The following ACTL6B variants were observed in gnomAD, a reference collection of about 807,000 sequenced individuals.
ACTL6B encodes actin-like protein 6B.
In ACTL6B, 48 loss-of-function variants were observed where a neutral mutation model predicts 63.3. The ratio of observed to expected loss-of-function variants is 0.76; its 90% confidence interval spans 0.60 to 0.96. The LOEUF is 0.96. Ranked by LOEUF, ACTL6B falls within the 50% of genes least tolerant of loss-of-function variation. The pLI is 0.00. For synonymous variants in ACTL6B, 230 were observed against 223.8 expected, an observed-to-expected ratio of 1.03 and a Z score of -0.25; for missense variants, 350 against 572.2, an observed-to-expected ratio of 0.61 and a Z score of 3.96.
rs747977983 is a variant in ACTL6B at position 100,643,302 on chromosome 7, A to C, written c.1225T>G (p.Ser409Ala). The change falls in exon 14 of 14, where the codon TCC becomes GCC. Residue 409 changes from serine (S) to alanine (A), a missense_variant. Physicochemically the swap from Ser to Ala is moderately conservative, Grantham distance 99 (BLOSUM62 1). This residue lies in a region of ACTL6B where 76 missense variants were observed against 126.1 expected (regional missense o/e 0.60). Transcript: ENST00000160382. ...CCGCCCTCCTCATATTCCTGCTTGG[A>C]GATCCACATCTGCTGGAAAGTGCCC... ...SLGTFQQMWISKQEYEEGGKQ... is the reference protein window; with the variant it reads ...SLGTFQQMWIAKQEYEEGGKQ... 1.2e-6 allele frequency: 2 copies of C among 1,613,724 alleles called. No individual in the cohort carries two copies. Among genetic ancestry groups the C allele is most frequent in the African/African-American group, 2.7e-5 (2 of 74,842 alleles).
At position 100,651,322 on chromosome 7, in the gene ACTL6B, G is replaced by A. The variant is rs552815828; in HGVS notation, c.370-1187C>T. 5.9e-5 allele frequency among the ~76,000 whole-genome samples: 9 copies of A among 152,010 alleles called. No homozygotes were observed. In the South Asian group the frequency reaches 1.7e-3, roughly 28 times the overall value. ...TCCCAGCGCTTTGGGAGGCCAAGGCGGGCAGATCACCTGAGGTCAGGAGTT... is the reference window on the plus strand; with the variant it reads ...TCCCAGCGCTTTGGGAGGCCAAGGCAGGCAGATCACCTGAGGTCAGGAGTT... On this transcript the variant is annotated intron_variant, in intron 4 of 13. Coordinates refer to ENST00000160382, the MANE Select transcript of ACTL6B (RefSeq NM_016188.5).
chr7:100,646,754 G>A lies in ACTL6B; in HGVS notation c.1014C>T (p.Arg338=). The A allele has an allele frequency of 6.2e-7, 1 of 1,613,724 alleles. No individual in the cohort carries two copies. Among genetic ancestry groups the A allele is most frequent in the Non-Finnish European group, 8.5e-7 (1 of 1,180,006 alleles). Residue 338 remains arginine, a synonymous_variant, in exon 11 of 14, where the codon CGC becomes CGT. Coordinates refer to ENST00000160382, the MANE Select transcript of ACTL6B (RefSeq NM_016188.5). The surrounding 1 kb of genome is among the most constrained non-coding windows in gnomAD (Gnocchi z 6.1). The stretch of plus-strand genomic sequence containing the variant: ...CTCAGCTCCGGCCTGGCCTCACCGG[G>A]CGAATATCAATGTCACACATGCCGA... ...TSIGMCDIDI[R]PGLYGSVIVT...
Position 100,647,089 on chromosome 7 carries a change from C to T in ACTL6B, c.822-4G>A. 6.2e-7 allele frequency: 1 copy of T among 1,613,956 alleles called. No homozygotes were observed. The highest frequency in any genetic ancestry group is 8.5e-7 in the Non-Finnish European group (1 of 1,179,878). On this transcript the variant is annotated splice_region_variant and splice_polypyrimidine_tract_variant and intron_variant, in intron 9 of 13. Transcript: ENST00000160382. The surrounding 1 kb of genome is among the most constrained non-coding windows in gnomAD (Gnocchi z 4.4). ...TGTGGGCATTTGTGCAGCCACCCTACCCAGAAGGGAGCAGGACTCTGCCTG... is the reference window on the plus strand; with the variant it reads ...TGTGGGCATTTGTGCAGCCACCCTATCCAGAAGGGAGCAGGACTCTGCCTG...
intron 4 of ACTL6B, among the ~76,000 whole-genome samples, chr7:100,654,003 C>T (rs1256585990): frequency 4.6e-5 from 7 of 151,020 alleles, no homozygotes; most frequent in East Asian, 1.9e-4. Context: ...GACAGAGTCT[C>T]GCTCTGTTGC....
rs1182199824 is a variant in ACTL6B at position 100,646,531 on chromosome 7, G to A, written c.1113+20C>T. 2 of 1,612,948 alleles carry A rather than the reference G, an allele frequency of 1.2e-6. No individual in the cohort carries two copies. The highest frequency in any genetic ancestry group is 3.3e-5 in the Admixed American group (2 of 60,012). On this transcript the variant is annotated intron_variant, in intron 12 of 13. Transcript: ENST00000160382. This position sits in a 1 kb window ranked among gnomAD's most constrained non-coding sequence, Gnocchi z 6.1. ...GCCAGGACGGGTGTCCAGGGCTCTGGGTCAGGGGTGGGCTCCTACCGGTGG... is the reference window on the plus strand; with the variant it reads ...GCCAGGACGGGTGTCCAGGGCTCTGAGTCAGGGGTGGGCTCCTACCGGTGG...
intron 4 of ACTL6B, among the ~76,000 whole-genome samples, chr7:100,653,636 C>T (rs145913830): frequency 1.3e-5 from 2 of 152,168 alleles, no homozygotes; most frequent in African/African-American, 4.8e-5. Flanking sequence ...ACTGAGCAGA[C>T]CCCCTGTTTT....
At position 100,646,566 on chromosome 7, in the gene ACTL6B, G is replaced by C. The variant is rs544809341; in HGVS notation, c.1098C>G (p.Ser366=). The C allele has an allele frequency of 1.2e-6, 2 of 1,614,014 alleles. No homozygotes were observed. Among genetic ancestry groups the C allele is most frequent in the Admixed American group, 3.3e-5 (2 of 60,006 alleles). ...GGGCTCCTACCGGTGGGGTCTTCTGGGAAAGCTCTCGATTGAGCCTGTCAG... is the reference window on the plus strand; with the variant it reads ...GGGCTCCTACCGGTGGGGTCTTCTGCGAAAGCTCTCGATTGAGCCTGTCAG... The part of the protein sequence containing the change: ...GFTDRLNREL[S]QKTPPSMRLK... Residue 366 remains serine, a synonymous_variant, in exon 12 of 14, where the codon TCC becomes TCG. Coordinates refer to ENST00000160382, the MANE Select transcript of ACTL6B (RefSeq NM_016188.5). The surrounding 1 kb of genome is among the most constrained non-coding windows in gnomAD (Gnocchi z 6.1).
At position 100,652,999 on chromosome 7, in the gene ACTL6B, C is replaced by CAAAAAAA; in HGVS notation, c.369+2013_369+2019dup. Reference sequence around the variant, plus strand: ...CTGGTGACAGAGCAAAACTCCGTCTCAAAAAAAAAAAAAAAAAAAAAAAAA... The same window carrying CAAAAAAA: ...CTGGTGACAGAGCAAAACTCCGTCTCAAAAAAAAAAAAAAAAAAAAAAAAAAAAAAAA... On this transcript the variant is annotated intron_variant, in intron 4 of 13. Coordinates refer to ENST00000160382, the MANE Select transcript of ACTL6B (RefSeq NM_016188.5). Among the ~76,000 whole-genome samples the CAAAAAAA allele has an allele frequency of 1.7e-3, 43 of 25,936 alleles. 1 individual carries two copies. Among genetic ancestry groups the CAAAAAAA allele is most frequent in the East Asian group, 2.1e-3 (1 of 468 alleles). 17.0% of individuals were successfully genotyped at this position (25,936 alleles called of 152,430 possible). A position where few individuals can be genotyped will look rare whatever the true frequency, so the allele number is the denominator to read the frequency against.
chr7:100,650,052 C>T lies in ACTL6B; in HGVS notation c.453G>A (p.Thr151=), dbSNP rs200051798. The stretch of plus-strand genomic sequence containing the variant: ...CCAGAGGATACGCGGTGAGCACAGC[C>T]GTCTTGCATAAGAAGAAGGCAGGAA... ...YNIPAFFLCK[T]AVLTAFANGR... is the part of the protein sequence containing the mutation. The change falls in exon 5 of 14, where the codon ACG becomes ACA. Residue 151 remains threonine, a synonymous_variant. Transcript: ENST00000160382. 1.9e-6 allele frequency: 3 copies of T among 1,613,882 alleles called. No individual in the cohort carries two copies. In the Admixed American group the frequency reaches 5.0e-5, roughly 27 times the overall value.
chr7:100,652,887 G>A (rs1185081654), intron 4 of ACTL6B, among the ~76,000 whole-genome samples: 1 of 151,044 alleles, frequency 6.6e-6, no homozygotes, highest in Non-Finnish European at 1.5e-5. Flanking sequence ...TGTAGTCCCA[G>A]CTACTCAGGA....
chr7:100,647,916 T>C lies in ACTL6B; in HGVS notation c.670-383A>G, dbSNP rs1346584362. 6.6e-6 allele frequency among the ~76,000 whole-genome samples: 1 copy of C among 151,450 alleles called. No homozygotes were observed. Among genetic ancestry groups the C allele is most frequent in the African/African-American group, 2.4e-5 (1 of 41,206 alleles). Reference sequence around the variant, plus strand: ...CGTTCCACTTTACATAAGACAAACCTGAGGCCCAGGGAGCTTTGATATCAT... The same window carrying C: ...CGTTCCACTTTACATAAGACAAACCCGAGGCCCAGGGAGCTTTGATATCAT... On this transcript the variant is annotated intron_variant, in intron 7 of 13. Transcript: ENST00000160382. This position sits in a 1 kb window ranked among gnomAD's most constrained non-coding sequence, Gnocchi z 4.4.
intron 1 of ACTL6B, 34 bp downstream of exon 1, chr7:100,656,296 G>A (rs1242504696): frequency 1.5e-6 from 2 of 1,379,160 alleles, no homozygotes; most frequent in Admixed American, 3.2e-5. Flanking sequence ...TGGAACGCAG[G>A]GCTGCGGGAG....
chr7:100,644,633 G>T (rs1398752700), intron 13 of ACTL6B, among the ~76,000 whole-genome samples: 1 of 152,090 alleles, frequency 6.6e-6, no homozygotes, highest in African/African-American at 2.4e-5. Flanking sequence ...TTTTTGTAGA[G>T]ATGAGGTCTC....
At chr7:100,654,552 G>T (rs896521524) in intron 4 of ACTL6B, among the ~76,000 whole-genome samples, 2 of 151,584 alleles carry the variant, frequency 1.3e-5, no homozygotes, top group African/African-American at 4.8e-5. Flanking sequence ...AGGCCAAGGC[G>T]GGTGGATCAC....
At position 100,647,716 on chromosome 7, in the gene ACTL6B, A is replaced by ATGTG; in HGVS notation, c.670-187_670-184dup. 1.8e-6 allele frequency: 1 copy of ATGTG among 562,354 alleles called. No homozygotes were observed. Among genetic ancestry groups the ATGTG allele is most frequent in the Non-Finnish European group, 3.1e-6 (1 of 317,940 alleles). 34.8% of individuals were successfully genotyped at this position (562,354 alleles called of 1,614,324 possible). ...GAGAATGGGGCATGCCTCTCTCTCC[A>ATGTG]TGTGTGCCTTTCATGCGGTGGGTGC... On this transcript the variant is annotated intron_variant, in intron 7 of 13. Transcript: ENST00000160382. The surrounding 1 kb of genome is among the most constrained non-coding windows in gnomAD (Gnocchi z 4.4).
intron 13 of ACTL6B, 24 bp from the exon 14 acceptor site, chr7:100,643,350 G>A (rs1415307904): frequency 1.2e-6 from 2 of 1,612,438 alleles, no homozygotes; most frequent in Non-Finnish European, 1.7e-6. Context: ...GTAATATCAG[G>A]GTCAGGGTGG....
Position 100,647,217 on chromosome 7 carries a change from A to C in ACTL6B, c.821+6T>G, listed in dbSNP as rs1346223551. 4 of 1,600,702 alleles carry C rather than the reference A, an allele frequency of 2.5e-6. No homozygotes were observed. The highest frequency in any genetic ancestry group is 3.4e-6 in the Non-Finnish European group (4 of 1,175,118). On this transcript the variant is annotated splice_donor_region_variant and intron_variant, in intron 9 of 13. Transcript: ENST00000160382. The surrounding 1 kb of genome is among the most constrained non-coding windows in gnomAD (Gnocchi z 4.4). ...CTCCCACCCCAAAGCCCTGAGCCAC[A>C]CTCACTGTTCATCGTAGGGGGAGTC...
At position 100,655,839 on chromosome 7, in the gene ACTL6B, T is replaced by G; in HGVS notation, c.66A>C (p.Ser22=). ...CCTCCCCAGCGTACCCAGCGCGGAC[T>G]GAGAAGGAGCCAATGTCAAAGACCA... ...GALVFDIGSF[S]VRAGYAGEDC... The change falls in exon 2 of 14, where the codon TCA becomes TCC. Residue 22 remains serine, a synonymous_variant. Transcript: ENST00000160382. This position sits in a 1 kb window ranked among gnomAD's most constrained non-coding sequence, Gnocchi z 4.4. The G allele has an allele frequency of 6.3e-7, 1 of 1,576,526 alleles. No homozygotes were observed. The highest frequency in any genetic ancestry group is 8.6e-7 in the Non-Finnish European group (1 of 1,160,676).
In ACTL6B at chr7:100,646,491, G is replaced by C; in HGVS notation, c.1113+60C>G. On this transcript the variant is annotated intron_variant, in intron 12 of 13. Coordinates refer to ENST00000160382, the MANE Select transcript of ACTL6B (RefSeq NM_016188.5). This position sits in a 1 kb window ranked among gnomAD's most constrained non-coding sequence, Gnocchi z 6.1. ...GACATGGGAAGGATGAAGGGACTCA[G>C]TCCTGGACAGCTGAGCCAGGACGGG... 1 of 1,585,226 alleles carries C rather than the reference G, an allele frequency of 6.3e-7. No individual in the cohort carries two copies.
Sources: allele counts gnomAD v4.1 joint callset (sites outside exome capture counted in the v4.1 genomes callset), GRCh38; gene constraint gnomAD v4.1.1; regional missense constraint gnomAD v4.1.1; non-coding constraint Gnocchi (gnomAD v3.1); transcripts MANE v1.5; gene names NCBI Gene and HGNC (gene_info 2026-07-23, HGNC 2026-07-21).